MYO9A: variants seen among roughly 807,000 people sequenced by gnomAD.
MYO9A encodes myosin IXA, also known as unconventional myosin-IXa.
Under a neutral mutation model 293.3 loss-of-function variants are expected in MYO9A, and 103 were observed. The observed-to-expected ratio is 0.35, with a 90% CI of 0.30 to 0.41. MYO9A has a LOEUF of 0.41. Ranked by LOEUF, MYO9A falls within the 10% of genes least tolerant of loss-of-function variation. The pLI, the probability that MYO9A is intolerant of heterozygous loss-of-function variation, is 1.00. For synonymous variants in MYO9A, 1,001 were observed against 1,035.7 expected, an observed-to-expected ratio of 0.97 and a Z score of 0.64; for missense variants, 2,685 against 3,033.0, an observed-to-expected ratio of 0.89 and a Z score of 2.69.
chr15:71,843,306 A>G (rs1342656866), intron 39 of MYO9A, among the ~76,000 whole-genome samples: 1 of 152,094 alleles, frequency 6.6e-6, no homozygotes, highest in African/African-American at 2.4e-5. Flanking sequence ...GCAGGCACCT[A>G]TAATCTCAGC....
intron 11 of MYO9A, among the ~76,000 whole-genome samples, chr15:71,981,227 A>T (rs1400552913): frequency 1.3e-5 from 2 of 152,208 alleles, no homozygotes; most frequent in African/African-American, 4.8e-5. Flanking sequence ...TTTATGAGTG[A>T]AACTGACCTA....
intron 1 of MYO9A, among the ~76,000 whole-genome samples, chr15:72,086,064 T>TG (rs1434151320): frequency 6.6e-6 from 1 of 152,024 alleles, no homozygotes; most frequent in Non-Finnish European, 1.5e-5. Context: ...CTCCAGCGGG[T>TG]GGTGCCAAAG....
At chr15:71,972,632 T>C (rs932741771) in intron 12 of MYO9A, among the ~76,000 whole-genome samples, 1 of 152,186 alleles carries the variant, frequency 6.6e-6, no homozygotes, top group African/African-American at 2.4e-5. Flanking sequence ...GATGTCTTCA[T>C]GTTGATTGTT....
chr15:72,052,254 G>A (rs1021525654), intron 1 of MYO9A, among the ~76,000 whole-genome samples: 27 of 152,080 alleles, frequency 1.8e-4, no homozygotes, highest in African/African-American at 6.3e-4. Flanking sequence ...CCCACTCCAC[G>A]GTCTCCACTC....
At chr15:71,927,936 G>A (rs1431505532) in intron 18 of MYO9A, among the ~76,000 whole-genome samples, 7 of 141,990 alleles carry the variant, frequency 4.9e-5, no homozygotes, top group Non-Finnish European at 1.5e-5. Context: ...ATAAATGTAC[G>A]GGTTTACTTC....
chr15:72,085,833 G>C (rs773591284), intron 1 of MYO9A, among the ~76,000 whole-genome samples: 11 of 152,150 alleles, frequency 7.2e-5, no homozygotes, highest in Non-Finnish European at 1.5e-4. Context: ...TGATGACCTT[G>C]AGGGTTTGAT....
At chr15:71,954,624 C>A (rs976147354) in intron 14 of MYO9A, among the ~76,000 whole-genome samples, 6 of 152,196 alleles carry the variant, frequency 3.9e-5, no homozygotes, top group Admixed American at 3.3e-4. Context: ...TAAATTCAGA[C>A]CCCATACTCA....
At chr15:71,938,960 T>A (rs1429813287) in intron 15 of MYO9A, 33 bp from the exon 16 acceptor site, 1 of 1,517,988 alleles carries the variant, frequency 6.6e-7, no homozygotes, top group Admixed American at 1.9e-5. Context: ...AAATTTCAAA[T>A]CAGTGCAAAG....
At chr15:71,916,951 T>C (rs1350569692) in intron 18 of MYO9A, among the ~76,000 whole-genome samples, 1 of 152,232 alleles carries the variant, frequency 6.6e-6, no homozygotes, top group African/African-American at 2.4e-5. Flanking sequence ...AGCTTAGCCC[T>C]GGAGCAAATA....
At position 71,870,939 on chromosome 15, in the gene MYO9A, A is replaced by G. The variant is rs28681225; in HGVS notation, c.5979+4852T>C. On this transcript the variant is annotated intron_variant, in intron 32 of 41. Coordinates refer to ENST00000356056, the MANE Select transcript of MYO9A (RefSeq NM_006901.4). The stretch of plus-strand genomic sequence containing the variant: ...TATTTCAAACCAGTGAAAAAGAAAT[A>G]TATCATTCAACAGTGGGCAGACAAC... 5.7e-3 allele frequency among the ~76,000 whole-genome samples: 867 copies of G among 152,378 alleles called. 12 individuals carry two copies. The highest frequency in any genetic ancestry group is 0.02 in the African/African-American group (816 of 41,578).
In MYO9A at chr15:71,941,313, T is replaced by C. The variant is rs948804883; in HGVS notation, c.2303-2386A>G. On this transcript the variant is annotated intron_variant, in intron 15 of 41. Coordinates refer to ENST00000356056, the MANE Select transcript of MYO9A (RefSeq NM_006901.4). Reference sequence around the variant, plus strand: ...AGCCCGGCATGGTGGCACACACTTGTAATCCCAACTACTCAGGAGGCTGAG... The same window carrying C: ...AGCCCGGCATGGTGGCACACACTTGCAATCCCAACTACTCAGGAGGCTGAG... 3.9e-5 allele frequency among the ~76,000 whole-genome samples: 6 copies of C among 152,228 alleles called. No homozygotes were observed. The South Asian group carries it at 6.2e-4, about 16-fold the overall frequency.
chr15:71,893,271 T>A (rs1350746029), intron 26 of MYO9A: 1 of 983,036 alleles, frequency 1.0e-6, no homozygotes, highest in African/African-American at 1.7e-5. Context: ...AGAGGGCTCA[T>A]GAATTTCTTG....
chr15:71,944,536 T>C (rs576081155), intron 15 of MYO9A, among the ~76,000 whole-genome samples: 2 of 152,306 alleles, frequency 1.3e-5, no homozygotes, highest in East Asian at 3.9e-4. Flanking sequence ...ACATGTATGA[T>C]ATAAGGGTCA....
At chr15:71,902,466 A>G (rs1280786696) in intron 22 of MYO9A, among the ~76,000 whole-genome samples, 1 of 152,136 alleles carries the variant, frequency 6.6e-6, no homozygotes. Context: ...AGGAATAAAA[A>G]TAAAATGGAA....
chr15:71,919,397 C>T lies in MYO9A; in HGVS notation c.2563-2905G>A, dbSNP rs538289413. ...GGCAGAGGCTGCAGTGAACCAGGAT[C>T]GCACCACTGCACTCCAGCCTGGGTG... On this transcript the variant is annotated intron_variant, in intron 18 of 41. Transcript: ENST00000356056. 3.6e-4 allele frequency among the ~76,000 whole-genome samples: 55 copies of T among 152,096 alleles called. 1 individual carries two copies. In the South Asian group the frequency reaches 7.3e-3, roughly 20 times the overall value.
At chr15:71,956,641 G>C (rs963261919) in intron 14 of MYO9A, among the ~76,000 whole-genome samples, 10 of 149,856 alleles carry the variant, frequency 6.7e-5, no homozygotes, top group African/African-American at 2.4e-4. Flanking sequence ...GCGAGACTCC[G>C]TCTCAAAAAA....
At chr15:72,080,853 G>A (rs755901396) in intron 1 of MYO9A, among the ~76,000 whole-genome samples, 5 of 152,024 alleles carry the variant, frequency 3.3e-5, no homozygotes, top group Non-Finnish European at 5.9e-5. Context: ...TATGAATAAT[G>A]GCCTCCAGCT....
intron 34 of MYO9A, among the ~76,000 whole-genome samples, chr15:71,858,360 A>G (rs1479682143): frequency 6.6e-6 from 1 of 152,170 alleles, no homozygotes; most frequent in Non-Finnish European, 1.5e-5. Flanking sequence ...ACCAACCCAA[A>G]TGTCCATCAA....
At chr15:72,048,585 C>G (rs1457871694) in intron 1 of MYO9A, among the ~76,000 whole-genome samples, 1 of 151,922 alleles carries the variant, frequency 6.6e-6, no homozygotes, top group African/African-American at 2.4e-5. Flanking sequence ...ATAGTCTGTT[C>G]CATAGGTCTA....
Sources: gnomAD v4.1 joint callset for allele counts (sites outside exome capture counted in the v4.1 genomes callset) on GRCh38, gnomAD v4.1.1 for gene constraint, MANE v1.5 for transcripts, NCBI Gene and HGNC (gene_info 2026-07-23, HGNC 2026-07-21) for gene names.